FAM78B: variants seen among roughly 807,000 people sequenced by gnomAD.
FAM78B encodes family with sequence similarity 78 member B.
In FAM78B, 10 loss-of-function variants were observed where a neutral mutation model predicts 20.0. That is an observed-to-expected ratio of 0.50 (90% CI 0.31 to 0.85). The LOEUF (loss-of-function observed/expected upper bound fraction) is 0.85, where lower values mean the gene tolerates loss of function less well. FAM78B is among the 40% of genes least tolerant of loss of function. FAM78B has a pLI of 0.05. For synonymous variants in FAM78B, 135 were observed against 132.8 expected, an observed-to-expected ratio of 1.02 and a Z score of -0.12; for missense variants, 283 against 345.0, an observed-to-expected ratio of 0.82 and a Z score of 1.42.
chr1:166,080,860 G>A (rs1375054798), intron 1 of FAM78B, among the ~76,000 whole-genome samples: 3 of 152,240 alleles, frequency 2.0e-5, no homozygotes, highest in East Asian at 3.9e-4. Context: ...GAGGAGGCAC[G>A]GAGGTGGAGT....
intron 1 of FAM78B, among the ~76,000 whole-genome samples, chr1:166,120,671 T>C (rs1654433295): frequency 6.6e-6 from 1 of 152,134 alleles, no homozygotes; most frequent in Non-Finnish European, 1.5e-5. Context: ...AGGCTGAATA[T>C]AGCAAAAACA....
intron 2 of FAM78B, among the ~76,000 whole-genome samples, chr1:166,061,764 C>T (rs1169816142): frequency 6.6e-6 from 1 of 152,246 alleles, no homozygotes; most frequent in Admixed American, 6.5e-5. Flanking sequence ...GAGGCACTGA[C>T]TGTGCTAGGC....
At chr1:166,109,866 G>GTATGTGTATATATATA (rs1557903254) in intron 1 of FAM78B, among the ~76,000 whole-genome samples, 1 of 17,160 alleles carries the variant, frequency 5.8e-5, no homozygotes, top group Admixed American at 6.4e-4. Context: ...ATATATGTAT[G>GTATGTGTATATATATA]TGTATATATA....
chr1:166,137,304 A>G (rs1312303525), intron 1 of FAM78B, among the ~76,000 whole-genome samples: 13 of 152,368 alleles, frequency 8.5e-5, no homozygotes, highest in African/African-American at 3.1e-4. Context: ...ATGATCAATT[A>G]GCCATGTCTG....
chr1:166,119,513 G>A (rs1387960954), intron 1 of FAM78B, among the ~76,000 whole-genome samples: 3 of 152,154 alleles, frequency 2.0e-5, no homozygotes, highest in Admixed American at 6.5e-5. Flanking sequence ...TTCCCAGAGC[G>A]ACAAGAATCA....
intron 1 of FAM78B, among the ~76,000 whole-genome samples, chr1:166,096,430 T>C (rs372253075): frequency 3.3e-5 from 5 of 152,174 alleles, no homozygotes; most frequent in Non-Finnish European, 7.4e-5. Context: ...TCTACATCCA[T>C]CTCTTCTCCA....
intron 1 of FAM78B, among the ~76,000 whole-genome samples, chr1:166,095,405 C>T (rs1653241033): frequency 6.6e-6 from 1 of 152,142 alleles, no homozygotes; most frequent in African/African-American, 2.4e-5. Context: ...GTGGTCAGTA[C>T]AGCCAGTGGG....
At chr1:166,145,910 G>T (rs1379410214) in intron 1 of FAM78B, among the ~76,000 whole-genome samples, 1 of 152,070 alleles carries the variant, frequency 6.6e-6, no homozygotes, top group African/African-American at 2.4e-5. Context: ...TATATTAAGG[G>T]GTAAGTTATT....
intron 1 of FAM78B, among the ~76,000 whole-genome samples, chr1:166,163,106 G>A (rs181573552): frequency 6.6e-6 from 1 of 152,356 alleles, no homozygotes; most frequent in African/African-American, 2.4e-5. Context: ...CTGCACAGCA[G>A]AAGCATTTGG....
At chr1:166,098,140 C>T (rs1002805845) in intron 1 of FAM78B, among the ~76,000 whole-genome samples, 1 of 152,110 alleles carries the variant, frequency 6.6e-6, no homozygotes, top group African/African-American at 2.4e-5. Context: ...ACAATCACTG[C>T]AGTTTGGGTA....
downstream of FAM78B, among the ~76,000 whole-genome samples, chr1:166,065,917 AGTGTGGCAGGTCTCTGTATGTGT>A (rs1424414424): frequency 1.3e-5 from 2 of 152,260 alleles, no homozygotes; most frequent in East Asian, 3.9e-4. Flanking sequence ...AGAGTATGTG[AGTGTGGCAGGTCTCTGTATGTGT>A]GTGTGTTTAC....
At chr1:166,120,213 G>A (rs952410890) in intron 1 of FAM78B, among the ~76,000 whole-genome samples, 1 of 152,202 alleles carries the variant, frequency 6.6e-6, no homozygotes, top group Admixed American at 6.5e-5. Context: ...ACAGCCATAA[G>A]GTCAGCATTA....
downstream of FAM78B, among the ~76,000 whole-genome samples, chr1:166,056,546 C>G (rs1651351307): frequency 6.6e-6 from 1 of 152,138 alleles, no homozygotes; most frequent in Admixed American, 6.5e-5. Flanking sequence ...TGAATCTGAC[C>G]ATTTACGTAT....
chr1:166,131,434 C>G (rs984893731), intron 1 of FAM78B, among the ~76,000 whole-genome samples: 2 of 152,232 alleles, frequency 1.3e-5, no homozygotes, highest in Non-Finnish European at 2.9e-5. Context: ...AGCAACTCCA[C>G]TGTTCCACGT....
chr1:166,139,223 A>G (rs1035029933), intron 1 of FAM78B, among the ~76,000 whole-genome samples: 1 of 152,240 alleles, frequency 6.6e-6, no homozygotes, highest in Non-Finnish European at 1.5e-5. Context: ...ATGAGCCAAC[A>G]TAAGAAACTT....
At position 166,081,827 on chromosome 1, in the gene FAM78B, G is replaced by A. The variant is rs138730294; in HGVS notation, c.264-11064C>T. ...GGGCTGCAGTGGGACCCCAAAAGAT[G>A]AGGGGGAATCGATGTGGGCAGCATT... On this transcript the variant is annotated intron_variant, in intron 1 of 1. Coordinates refer to ENST00000354422, the MANE Select transcript of FAM78B (RefSeq NM_001017961.5). Among the ~76,000 whole-genome samples the A allele has an allele frequency of 5.3e-5, 8 of 152,338 alleles. 1 individual carries two copies. In the East Asian group the frequency reaches 1.5e-3, roughly 29 times the overall value.
chr1:166,136,796 A>G (rs1174556385), intron 1 of FAM78B, among the ~76,000 whole-genome samples: 1 of 152,184 alleles, frequency 6.6e-6, no homozygotes, highest in African/African-American at 2.4e-5. Context: ...TGGATGGTCA[A>G]TAGTCTAGGC....
chr1:166,128,812 AAATATT>A (rs1226178782), intron 1 of FAM78B, among the ~76,000 whole-genome samples: 15 of 152,236 alleles, frequency 9.9e-5, no homozygotes, highest in Admixed American at 9.8e-4. Context: ...GTTAGTAGAT[AAATATT>A]AATGACTAAA....
chr1:166,115,108 C>G (rs1654207061), intron 1 of FAM78B, among the ~76,000 whole-genome samples: 1 of 152,226 alleles, frequency 6.6e-6, no homozygotes, highest in South Asian at 2.1e-4. Flanking sequence ...GTTCGTTCAT[C>G]TGACAAAAGT....
Sources: gnomAD v4.1 joint callset for allele counts (sites outside exome capture counted in the v4.1 genomes callset) on GRCh38, gnomAD v4.1.1 for gene constraint, MANE v1.5 for transcripts, NCBI Gene and HGNC (gene_info 2026-07-23, HGNC 2026-07-21) for gene names.